Variants in HDAC9 observed in about 807,000 individuals in gnomAD.
HDAC9 encodes the protein MEF-2 interacting transcription repressor (MITR) protein.
In HDAC9, 41 loss-of-function variants were observed where a neutral mutation model predicts 139.4. The observed-to-expected ratio is 0.29, with a 90% CI of 0.23 to 0.38. The LOEUF (loss-of-function observed/expected upper bound fraction) is 0.38, where lower values mean the gene tolerates loss of function less well. HDAC9 is among the 10% of genes least tolerant of loss of function. The pLI, the probability that HDAC9 is intolerant of heterozygous loss-of-function variation, is 1.00. For synonymous variants in HDAC9, 517 were observed against 476.2 expected, an observed-to-expected ratio of 1.09 and a Z score of -1.12; for missense variants, 1,147 against 1,297.0, an observed-to-expected ratio of 0.88 and a Z score of 1.78.
intron 17 of HDAC9, among the ~76,000 whole-genome samples, chr7:18,797,764 G>C (rs1488135038): frequency 1.3e-5 from 2 of 152,026 alleles, no homozygotes; most frequent in African/African-American, 2.4e-5. Flanking sequence ...AGGAGGCAGG[G>C]GTTACAGTGA....
At chr7:18,582,432 A>G (rs1304063638) in intron 2 of HDAC9, among the ~76,000 whole-genome samples, 1 of 152,154 alleles carries the variant, frequency 6.6e-6, no homozygotes, top group Non-Finnish European at 1.5e-5. Context: ...CTTTCTTTAA[A>G]ATACCAAACC....
chr7:18,629,209 A>T (rs573518725), intron 6 of HDAC9, 141 bp from the exon 7 acceptor site: 1 of 669,288 alleles, frequency 1.5e-6, no homozygotes, highest in African/African-American at 1.9e-5. Flanking sequence ...TCAATGCCTC[A>T]TTTATGTGCT....
At chr7:18,179,412 G>T (rs1194155711) in intron 2 of HDAC9, among the ~76,000 whole-genome samples, 1 of 152,150 alleles carries the variant, frequency 6.6e-6, no homozygotes, top group East Asian at 1.9e-4. Flanking sequence ...GACATGTTAA[G>T]GTTTGACTGT....
intron 1 of HDAC9, among the ~76,000 whole-genome samples, chr7:18,480,436 C>T (rs1471208050): frequency 1.3e-5 from 2 of 152,174 alleles, no homozygotes; most frequent in African/African-American, 4.8e-5. Flanking sequence ...CAACCTGATT[C>T]TGAGGCAGGA....
intron 1 of HDAC9, among the ~76,000 whole-genome samples, chr7:18,403,295 G>A (rs893009017): frequency 2.6e-5 from 4 of 151,840 alleles, no homozygotes; most frequent in South Asian, 2.1e-4. Flanking sequence ...TGACTCTTAC[G>A]GTAAAGTCAT....
chr7:18,851,191 CT>C (rs910677988), intron 21 of HDAC9, among the ~76,000 whole-genome samples: 2 of 152,182 alleles, frequency 1.3e-5, no homozygotes, highest in Admixed American at 1.3e-4. Flanking sequence ...ATTCGCTCTA[CT>C]TTCTTGGGTG....
chr7:18,332,831 T>C (rs1373291704), intron 1 of HDAC9, among the ~76,000 whole-genome samples: 2 of 151,564 alleles, frequency 1.3e-5, no homozygotes, highest in Admixed American at 6.6e-5. Context: ...GAAATCAACA[T>C]ACACCTTACG....
Position 18,308,359 on chromosome 7 carries a change from G to A in HDAC9, c.-42+17844G>A, listed in dbSNP as rs559062134. On this transcript the variant is annotated intron_variant, in intron 1 of 3. Coordinates refer to the HDAC9 transcript ENST00000413509. Reference sequence around the variant, plus strand: ...TATAAATTTGCTTAACCATATACAAGAAAAGAACTTTTCTTTTGAGGAAAA... The same window carrying A: ...TATAAATTTGCTTAACCATATACAAAAAAAGAACTTTTCTTTTGAGGAAAA... Among the ~76,000 whole-genome samples the A allele has an allele frequency of 3.3e-5, 5 of 152,222 alleles. No homozygotes were observed. The South Asian group carries it at 1.0e-3, about 32-fold the overall frequency.
chr7:18,738,348 A>C (rs577426563), intron 13 of HDAC9, among the ~76,000 whole-genome samples: 2 of 152,278 alleles, frequency 1.3e-5, no homozygotes, highest in Non-Finnish European at 2.9e-5. Flanking sequence ...CAGTTTCTTC[A>C]TAGCATCAAT....
rs983701604 is a variant in HDAC9, at chr7:18,368,784, A to G, written c.-42+78269A>G. Among the ~76,000 whole-genome samples the G allele has an allele frequency of 2.6e-5, 4 of 151,986 alleles. No individual in the cohort carries two copies. In the South Asian group the frequency reaches 6.2e-4, roughly 24 times the overall value. On this transcript the variant is annotated intron_variant, in intron 1 of 3. Coordinates refer to the HDAC9 transcript ENST00000413509. ...AAATGGAATACAGAAATTCCTACCT[A>G]AGTAGTAGCCAAGTCAAAGAGAGAA...
intron 2 of HDAC9, among the ~76,000 whole-genome samples, chr7:18,556,302 A>C (rs973336032): frequency 1.3e-5 from 2 of 152,072 alleles, no homozygotes; most frequent in African/African-American, 4.8e-5. Flanking sequence ...TTTTAGCATA[A>C]AGGTGAGTTC....
chr7:18,431,509 T>C (rs935273033), intron 1 of HDAC9, among the ~76,000 whole-genome samples: 8 of 152,066 alleles, frequency 5.3e-5, no homozygotes, highest in Non-Finnish European at 8.8e-5. Context: ...TTTACAGGGG[T>C]TTAATGCATG....
chr7:18,174,497 C>T (rs960019513), intron 2 of HDAC9, among the ~76,000 whole-genome samples: 1 of 152,168 alleles, frequency 6.6e-6, no homozygotes, highest in Admixed American at 6.5e-5. Flanking sequence ...CCATTGCTGG[C>T]GAGGAGCTGC....
At chr7:18,558,083 A>T (rs1583366982) in intron 2 of HDAC9, among the ~76,000 whole-genome samples, 1 of 152,146 alleles carries the variant, frequency 6.6e-6, no homozygotes, top group East Asian at 1.9e-4. Context: ...GCCCCCAAAC[A>T]AGACAGGGCT....
intron 17 of HDAC9, among the ~76,000 whole-genome samples, chr7:18,823,982 G>A (rs761608469): frequency 3.3e-5 from 5 of 149,406 alleles, no homozygotes; most frequent in Non-Finnish European, 5.9e-5. Flanking sequence ...TGTGAAAGAA[G>A]AAGAAGAAGA....
chr7:18,934,803 T>G (rs1389773354), intron 22 of HDAC9, among the ~76,000 whole-genome samples: 1 of 152,172 alleles, frequency 6.6e-6, no homozygotes, highest in Non-Finnish European at 1.5e-5. Context: ...TCAACAATTC[T>G]GTTTCACATG....
intron 6 of HDAC9, among the ~76,000 whole-genome samples, chr7:18,622,373 G>GAC: frequency 6.6e-6 from 1 of 152,096 alleles, no homozygotes; most frequent in Non-Finnish European, 1.5e-5. Context: ...ACCCAGGCTG[G>GAC]AGTGCAATGG....
chr7:18,859,864 G>C lies in HDAC9; in HGVS notation c.2685-14614G>C, dbSNP rs1169322056. ...TATATATATATATATATATATGTGA[G>C]AGAATGAGAGAGAGAGAAATATATA... On this transcript the variant is annotated intron_variant, in intron 21 of 25. Coordinates refer to ENST00000686413, the MANE Select transcript of HDAC9 (RefSeq NM_178425.4). Among the ~76,000 whole-genome samples the C allele has an allele frequency of 3.8e-5, 5 of 130,356 alleles. No individual in the cohort carries two copies. In the Admixed American group the frequency reaches 3.9e-4, roughly 10 times the overall value. The allele number at this position is 130,356 out of a possible 152,430, so 85.5% of individuals were successfully genotyped here. A position where few individuals can be genotyped will look rare whatever the true frequency, so the allele number is the denominator to read the frequency against.
chr7:18,882,374 A>G (rs1347554073), intron 22 of HDAC9, among the ~76,000 whole-genome samples: 1 of 152,076 alleles, frequency 6.6e-6, no homozygotes, highest in Non-Finnish European at 1.5e-5. Flanking sequence ...CAGGGAAGTC[A>G]TGGTCTCCTT....
Sources: allele counts gnomAD v4.1 joint callset (sites outside exome capture counted in the v4.1 genomes callset), GRCh38; gene constraint gnomAD v4.1.1; transcripts MANE v1.5; gene names NCBI Gene and HGNC (gene_info 2026-07-23, HGNC 2026-07-21).